Variants in NXPE2 observed in about 807,000 individuals in gnomAD.
NXPE2 encodes the protein NXPE family member 2.
NXPE2 carries 34 observed loss-of-function variants against 34.4 expected under a neutral mutation model. The ratio of observed to expected loss-of-function variants is 0.99; its 90% CI spans 0.75 to 1.31. The LOEUF is 1.31. Among genes scored for constraint, NXPE2 ranks in the 40% most tolerant of loss-of-function variants. NXPE2 has a pLI of 0.00. For missense variants in NXPE2, 649 were observed against 672.5 expected (o/e 0.97, Z 0.39); for synonymous variants, 235 against 231.3 (o/e 1.02, Z -0.15).
At chr11:114,718,837 T>C in the NXPE2 span, among the ~76,000 whole-genome samples, 4 of 152,194 alleles carry the variant, frequency 2.6e-5, no homozygotes, top group Non-Finnish European at 4.4e-5. Context: ...TGCTGTGGTC[T>C]GAATGTTGGT....
At chr11:114,564,651 C>T in the NXPE2 span, among the ~76,000 whole-genome samples, 1 of 151,960 alleles carries the variant, frequency 6.6e-6, no homozygotes, top group Non-Finnish European at 1.5e-5. Context: ...CAGATCCCAC[C>T]TGGGATCTGG....
chr11:114,581,742 C>A, the NXPE2 span: 4 of 1,612,186 alleles, frequency 2.5e-6, no homozygotes, highest in Non-Finnish European at 3.4e-6. Context: ...TTTGGAGACA[C>A]TAATTGTATT....
upstream of NXPE2, among the ~76,000 whole-genome samples, chr11:114,676,917 G>A (rs929862428): frequency 6.6e-6 from 1 of 151,874 alleles, no homozygotes; most frequent in Non-Finnish European, 1.5e-5. Flanking sequence ...TAAACAGTTG[G>A]GTGTTGCTCA....
the NXPE2 span, among the ~76,000 whole-genome samples, chr11:114,770,872 A>T: frequency 7.2e-5 from 11 of 152,296 alleles, no homozygotes; most frequent in African/African-American, 2.6e-4. Flanking sequence ...GAAAAAAATG[A>T]TGTAGGATCA....
At chr11:114,509,060 G>GA in the NXPE2 span, among the ~76,000 whole-genome samples, 4 of 152,120 alleles carry the variant, frequency 2.6e-5, 1 homozygote, top group East Asian at 7.7e-4. Context: ...CAAATTACAA[G>GA]AAAAAATCAA....
chr11:114,580,452 G>A, the NXPE2 span: 1 of 793,402 alleles, frequency 1.3e-6, no homozygotes, highest in Non-Finnish European at 2.0e-6. Flanking sequence ...GGTGGTAATG[G>A]TGGAAAAAGT....
At chr11:114,661,591 C>T in the NXPE2 span, among the ~76,000 whole-genome samples, 2 of 152,182 alleles carry the variant, frequency 1.3e-5, no homozygotes, top group Non-Finnish European at 2.9e-5. Flanking sequence ...TGTAGAACAT[C>T]CCATTCTGGA....
chr11:114,708,591 C>A (rs569373410), downstream of NXPE2, among the ~76,000 whole-genome samples: 1 of 151,394 alleles, frequency 6.6e-6, no homozygotes, highest in East Asian at 1.9e-4. Context: ...GATTGCACCA[C>A]CACACTCCAG....
the NXPE2 span, among the ~76,000 whole-genome samples, chr11:114,747,631 G>A: frequency 6.6e-6 from 1 of 152,084 alleles, no homozygotes; most frequent in Non-Finnish European, 1.5e-5. Flanking sequence ...AGAGGGCAAG[G>A]GGGGAACTGC....
At chr11:114,729,068 C>T in the NXPE2 span, among the ~76,000 whole-genome samples, 1 of 152,062 alleles carries the variant, frequency 6.6e-6, no homozygotes, top group Non-Finnish European at 1.5e-5. Context: ...CCCTTACCCC[C>T]TCCCTTCCTC....
chr11:114,639,467 G>C, the NXPE2 span, among the ~76,000 whole-genome samples: 3 of 151,456 alleles, frequency 2.0e-5, no homozygotes, highest in African/African-American at 7.3e-5. Context: ...ACGCTGCGCT[G>C]CCCCCACTGT....
chr11:114,581,703 C>T, the NXPE2 span: 1 of 1,596,476 alleles, frequency 6.3e-7, no homozygotes, highest in African/African-American at 1.3e-5. Context: ...AGGCACCACC[C>T]ACCAAACACA....
chr11:114,800,212 C>T, the NXPE2 span, among the ~76,000 whole-genome samples: 1 of 152,200 alleles, frequency 6.6e-6, no homozygotes, highest in African/African-American at 2.4e-5. Context: ...CCCAAAATTG[C>T]AAGCTTCTTG....
chr11:114,704,228 C>T (rs1417615325), intron 4 of NXPE2, among the ~76,000 whole-genome samples, 176 bp downstream of exon 4: 6 of 152,140 alleles, frequency 3.9e-5, no homozygotes, highest in Admixed American at 1.3e-4. Context: ...ATTTTCATAT[C>T]GATTTAAACC....
the NXPE2 span, among the ~76,000 whole-genome samples, chr11:114,627,174 C>T: frequency 2.6e-5 from 4 of 152,082 alleles, no homozygotes; most frequent in East Asian, 7.7e-4. Context: ...GAGAACGCCA[C>T]AAAGATACTC....
Position 114,703,070 on chromosome 11 carries a change from C to T in NXPE2, c.867-921C>T, listed in dbSNP as rs532751608. ...AGACGAAGCTCACTGTGCTGGCACT[C>T]GAAATATTATACTGAATAATATTGA... On this transcript the variant is annotated intron_variant, in intron 3 of 5. Transcript: ENST00000389586. Among the ~76,000 whole-genome samples the T allele has an allele frequency of 7.2e-5, 11 of 151,952 alleles. No individual in the cohort carries two copies. The South Asian group carries it at 2.3e-3, about 32-fold the overall frequency.
At chr11:114,624,568 C>A in the NXPE2 span, among the ~76,000 whole-genome samples, 1 of 151,646 alleles carries the variant, frequency 6.6e-6, no homozygotes, top group Middle Eastern at 3.4e-3. Flanking sequence ...AGTATTGCCC[C>A]GTGGGTAACC....
At chr11:114,808,484 A>AGAT in the NXPE2 span, among the ~76,000 whole-genome samples, 139,183 of 145,644 alleles carry the variant, frequency 0.96, 66,841 homozygotes, top group Middle Eastern at 1. Context: ...AGAATCAAAT[A>AGAT]GATGCAATAA....
chr11:114,474,465 G>T, the NXPE2 span, among the ~76,000 whole-genome samples: 27 of 152,112 alleles, frequency 1.8e-4, no homozygotes, highest in Admixed American at 1.8e-3. Context: ...AGGGGAGGGT[G>T]GTGTTTAGAA....
Sources: gnomAD v4.1 joint callset for allele counts (sites outside exome capture counted in the v4.1 genomes callset) on GRCh38, gnomAD v4.1.1 for gene constraint, MANE v1.5 for transcripts, NCBI Gene and HGNC (gene_info 2026-07-23, HGNC 2026-07-21) for gene names.